The following CMTR1 variants were observed in gnomAD, a reference collection of about 807,000 sequenced individuals.
The protein encoded by CMTR1 is cap-specific mRNA (nucleoside-2'-O-)-methyltransferase 1.
Under a neutral mutation model 107.0 loss-of-function variants are expected in CMTR1, and 39 were observed. That is an observed-to-expected ratio of 0.36 (90% CI 0.28 to 0.48). The LOEUF is 0.48. CMTR1 is among the 20% of genes least tolerant of loss of function. The pLI, the probability that CMTR1 is intolerant of heterozygous loss-of-function variation, is 0.99. For synonymous variants in CMTR1, 366 were observed against 379.5 expected (o/e 0.96, Z 0.41); for missense variants, 672 against 1,064.9 (o/e 0.63, Z 5.14).
At position 37,473,641 on chromosome 6, in the gene CMTR1, G is replaced by A. The variant is rs1761672433; in HGVS notation, c.1821+40G>A. 3.8e-6 allele frequency: 6 copies of A among 1,599,708 alleles called. No individual in the cohort carries two copies. In the East Asian group the frequency reaches 6.7e-5, roughly 18 times the overall value. Reference sequence around the variant, plus strand: ...GGCTTCCTGCCCAGCTTGGAATGGTGGATTTGCCCTTTGCGGAATCTGGAC... The same window carrying A: ...GGCTTCCTGCCCAGCTTGGAATGGTAGATTTGCCCTTTGCGGAATCTGGAC... On this transcript the variant is annotated intron_variant, in intron 17 of 23. Coordinates refer to ENST00000373451, the MANE Select transcript of CMTR1 (RefSeq NM_015050.3).
chr6:37,442,360 G>A (rs1269316915), intron 2 of CMTR1, among the ~76,000 whole-genome samples: 2 of 152,234 alleles, frequency 1.3e-5, no homozygotes, highest in African/African-American at 2.4e-5. Context: ...GGCCTGAACA[G>A]CTTGCACTAT....
At chr6:37,451,755 G>A (rs757799397) in intron 5 of CMTR1, 51 bp from the exon 6 acceptor site, 3 of 1,381,084 alleles carry the variant, frequency 2.2e-6, no homozygotes, top group East Asian at 2.3e-5. Flanking sequence ...ATTCATCCCC[G>A]ACAATTGCAG....
chr6:37,477,724 TGGGTCG>T (rs1195305808), intron 21 of CMTR1, 85 bp downstream of exon 21: 1 of 253,088 alleles, frequency 4.0e-6, no homozygotes, highest in South Asian at 3.0e-5. Context: ...TTTCATAAGA[TGGGTCG>T]GGGGCGGGGG....
intron 4 of CMTR1, among the ~76,000 whole-genome samples, chr6:37,448,934 C>CTATTTTT (rs1453375474): frequency 6.6e-6 from 1 of 152,136 alleles, no homozygotes; most frequent in African/African-American, 2.4e-5. Flanking sequence ...GGCATCAGTA[C>CTATTTTT]TATTTTTTAT....
intron 8 of CMTR1, among the ~76,000 whole-genome samples, chr6:37,455,780 ACAATATCATCTTG>A (rs1448444018): frequency 2.0e-5 from 3 of 152,254 alleles, no homozygotes; most frequent in African/African-American, 7.2e-5. Flanking sequence ...CTGATTGAGT[ACAATATCATCTTG>A]CATTAATTGT....
chr6:37,458,650 C>T lies in CMTR1; in HGVS notation c.816C>T (p.Tyr272=). ...AGGACCGGGAAGCTGAGCTTCTGTA[C>T]TTTGCTGATGTCTGCGCAGGCCCAG... ...LVKDREAELL[Y]FADVCAGPGG... The change falls in exon 9 of 24, where the codon TAC becomes TAT. Residue 272 remains tyrosine, a synonymous_variant. Transcript: ENST00000373451. This position sits in a 1 kb window ranked among gnomAD's most constrained non-coding sequence, Gnocchi z 4.7. The T allele has an allele frequency of 6.2e-7, 1 of 1,613,960 alleles. No individual in the cohort carries two copies. The highest frequency in any genetic ancestry group is 8.5e-7 in the Non-Finnish European group (1 of 1,180,032).
intron 19 of CMTR1, chr6:37,475,670 G>T (rs1327076465): frequency 1.8e-6 from 1 of 563,448 alleles, no homozygotes; most frequent in Non-Finnish European, 3.2e-6. Context: ...TCAGGTTGAG[G>T]TATTTATGTT....
At position 37,444,076 on chromosome 6, in the gene CMTR1, T is replaced by C. The variant is rs1334865217; in HGVS notation, c.211T>C (p.Phe71Leu). 1.9e-6 allele frequency: 3 copies of C among 1,614,212 alleles called. No individual in the cohort carries two copies. The highest frequency in any genetic ancestry group is 2.5e-6 in the Non-Finnish European group (3 of 1,180,026). Residue 71 changes from phenylalanine to leucine, a missense_variant, in exon 3 of 24, where the codon TTC (phenylalanine) becomes CTC (leucine). Physicochemically the swap from Phe to Leu is conservative, Grantham distance 22. Around this residue, in one of 2 missense-constraint regions of CMTR1, gnomAD observed 89 missense variants for 96.6 expected, o/e 0.92. Coordinates refer to ENST00000373451, the MANE Select transcript of CMTR1 (RefSeq NM_015050.3). Reference sequence around the variant, plus strand: ...CAGCTCTGACTCTTTTGACGATGCATTCAAAGCAGACTCTCTTGTGGAAGG... The same window carrying C: ...CAGCTCTGACTCTTTTGACGATGCACTCAAAGCAGACTCTCTTGTGGAAGG... Reference protein sequence around the residue: ...QHSSDSFDDAFKADSLVEGTS... With the variant: ...QHSSDSFDDALKADSLVEGTS...
intron 5 of CMTR1, among the ~76,000 whole-genome samples, chr6:37,451,028 G>A (rs2113872277): frequency 6.6e-6 from 1 of 152,184 alleles, no homozygotes; most frequent in East Asian, 1.9e-4. Context: ...TGCAAAAATG[G>A]AAAACAGTAC....
At chr6:37,434,244 G>T (rs1368429759) in intron 1 of CMTR1, among the ~76,000 whole-genome samples, 1 of 152,094 alleles carries the variant, frequency 6.6e-6, no homozygotes, top group African/African-American at 2.4e-5. Flanking sequence ...GGAAGGTGGC[G>T]GTTGTGCATT....
At chr6:37,443,951 T>C in intron 2 of CMTR1, 48 bp from the exon 3 acceptor site, 1 of 1,596,596 alleles carries the variant, frequency 6.3e-7, no homozygotes, top group East Asian at 2.2e-5. Flanking sequence ...GTCTGGAGGC[T>C]ATTTTGTGCC....
At chr6:37,461,865 C>A in intron 11 of CMTR1, 105 bp from the exon 12 acceptor site, 1 of 1,291,482 alleles carries the variant, frequency 7.7e-7, no homozygotes, top group African/African-American at 1.5e-5. Flanking sequence ...TTAACAGACC[C>A]AGGTGCTGGT....
chr6:37,477,785 T>G (rs1761769211), intron 21 of CMTR1, 146 bp downstream of exon 21: 1 of 725,892 alleles, frequency 1.4e-6, no homozygotes, highest in Non-Finnish European at 2.5e-6. Context: ...TCTGCCTCGC[T>G]GCAGCACTGC....
intron 19 of CMTR1, chr6:37,475,793 T>G: frequency 4.2e-6 from 2 of 478,570 alleles, no homozygotes; most frequent in Non-Finnish European, 7.6e-6. Context: ...CACTGTAGTT[T>G]CCATGCTTTG....
chr6:37,476,640 TTAGA>T lies in CMTR1; in HGVS notation c.2105+450_2105+453del, dbSNP rs555560808. ...GGAGAAGGAGGCCAGGGTTGTAATGTTAGATAGTGGGAAAGTTCCAGGACCCTGA... is the reference window on the plus strand; with the variant it reads ...GGAGAAGGAGGCCAGGGTTGTAATGTTAGTGGGAAAGTTCCAGGACCCTGA... On this transcript the variant is annotated intron_variant, in intron 20 of 23. Coordinates refer to ENST00000373451, the MANE Select transcript of CMTR1 (RefSeq NM_015050.3). Among the ~76,000 whole-genome samples, 1,160 of 145,726 alleles carry T rather than the reference TTAGA, an allele frequency of 8.0e-3. 12 individuals are homozygous for T. Among genetic ancestry groups the T allele is most frequent in the African/African-American group, 0.028 (1,098 of 38,920 alleles).
At chr6:37,440,497 A>G (rs1771648966) in intron 2 of CMTR1, among the ~76,000 whole-genome samples, 1 of 152,202 alleles carries the variant, frequency 6.6e-6, no homozygotes, top group Non-Finnish European at 1.5e-5. Flanking sequence ...TACCACGTGA[A>G]TAAAAGAAAA....
At chr6:37,428,650 G>C (rs145879992), upstream of CMTR1, among the ~76,000 whole-genome samples, 381 of 152,142 alleles carry the variant, frequency 2.5e-3, no homozygotes, top group African/African-American at 8.8e-3. Flanking sequence ...TAGAGACGGC[G>C]TTTCACCATG....
At chr6:37,457,095 CAG>C (rs1418235049) in intron 8 of CMTR1, among the ~76,000 whole-genome samples, 2 of 151,078 alleles carry the variant, frequency 1.3e-5, no homozygotes, top group African/African-American at 4.9e-5. Context: ...TGGTGTGTGT[CAG>C]GGGTCCCAGC....
upstream of CMTR1, among the ~76,000 whole-genome samples, chr6:37,432,267 T>C (rs940680988): frequency 2.0e-5 from 3 of 152,216 alleles, no homozygotes; most frequent in Non-Finnish European, 4.4e-5. Flanking sequence ...CAATGGGACA[T>C]CATTGATGGA....
Sources: allele counts gnomAD v4.1 joint callset (sites outside exome capture counted in the v4.1 genomes callset), GRCh38; gene constraint gnomAD v4.1.1; regional missense constraint gnomAD v4.1.1; non-coding constraint Gnocchi (gnomAD v3.1); transcripts MANE v1.5; gene names NCBI Gene and HGNC (gene_info 2026-07-23, HGNC 2026-07-21).